The following NTNG1 variants were observed in gnomAD, a reference collection of about 807,000 sequenced individuals.
NTNG1 encodes netrin G1.
A neutral mutation model predicts 54.0 loss-of-function variants in NTNG1; 16 were observed. The ratio of observed to expected loss-of-function variants is 0.30; its 90% confidence interval spans 0.20 to 0.45. NTNG1 has a LOEUF of 0.45. NTNG1 is among the 20% of genes least tolerant of loss of function. NTNG1 has a pLI of 1.00. For missense variants in NTNG1, 530 were observed against 678.7 expected, an observed-to-expected ratio of 0.78 and a Z score of 2.43; for synonymous variants, 255 against 263.1, an observed-to-expected ratio of 0.97 and a Z score of 0.30.
At chr1:107,305,768 G>A (rs1666658814) in intron 2 of NTNG1, among the ~76,000 whole-genome samples, 1 of 151,930 alleles carries the variant, frequency 6.6e-6, no homozygotes, top group Admixed American at 6.6e-5. Context: ...GTCTATTTTG[G>A]CTTTTGTTGC....
At chr1:107,480,569 T>TCCCCCCCCC in intron 7 of NTNG1, 42 bp from the exon 8 acceptor site, 1 of 609,596 alleles carries the variant, frequency 1.6e-6, no homozygotes, top group African/African-American at 1.8e-5. Flanking sequence ...CTGCTTCTCC[T>TCCCCCCCCC]CCCCGCGCCC....
intron 2 of NTNG1, among the ~76,000 whole-genome samples, chr1:107,263,305 CTTCCTTCCTTCCTTCCTTCT>C (rs1366088148): frequency 6.6e-6 from 1 of 150,970 alleles, no homozygotes; most frequent in Non-Finnish European, 1.5e-5. Flanking sequence ...TCCTTCCTTC[CTTCCTTCCTTCCTTCCTTCT>C]TTCCTTCCTT....
At chr1:107,452,417 A>G (rs1335769365) in intron 7 of NTNG1, among the ~76,000 whole-genome samples, 1 of 152,182 alleles carries the variant, frequency 6.6e-6, no homozygotes, top group Non-Finnish European at 1.5e-5. Flanking sequence ...AAACTCTGAA[A>G]TTCAGTGGCA....
chr1:107,236,418 C>T (rs971181743), intron 2 of NTNG1, among the ~76,000 whole-genome samples: 7 of 152,026 alleles, frequency 4.6e-5, no homozygotes, highest in Non-Finnish European at 8.8e-5. Flanking sequence ...AAGGTATGGG[C>T]AGAGAGTCAG....
intron 2 of NTNG1, among the ~76,000 whole-genome samples, chr1:107,185,522 A>G (rs1039824043): frequency 6.6e-6 from 1 of 152,186 alleles, no homozygotes; most frequent in Non-Finnish European, 1.5e-5. Context: ...ATCCTAATCC[A>G]ATATGTCCTC....
intron 2 of NTNG1, among the ~76,000 whole-genome samples, chr1:107,290,962 A>ATT (rs1293070434): frequency 1.7e-5 from 2 of 116,226 alleles, no homozygotes; most frequent in Non-Finnish European, 3.4e-5. Flanking sequence ...ATATATATAT[A>ATT]TTATATATAT....
chr1:107,267,666 G>T (rs1447089878), intron 2 of NTNG1, among the ~76,000 whole-genome samples: 1 of 151,980 alleles, frequency 6.6e-6, no homozygotes, highest in Non-Finnish European at 1.5e-5. Flanking sequence ...CCATACTCTT[G>T]CCCTCAGGTC....
intron 2 of NTNG1, among the ~76,000 whole-genome samples, chr1:107,170,462 C>G (rs920886338): frequency 6.6e-6 from 1 of 151,880 alleles, no homozygotes; most frequent in African/African-American, 2.4e-5. Flanking sequence ...AATTGATTAG[C>G]AGTCTTAAAA....
intron 2 of NTNG1, among the ~76,000 whole-genome samples, chr1:107,204,483 A>G (rs1659023712): frequency 6.6e-6 from 1 of 152,162 alleles, no homozygotes; most frequent in African/African-American, 2.4e-5. Context: ...ACAGAGAGGG[A>G]GTGGGGCCTA....
Position 107,481,245 on chromosome 1 carries a change from C to A in NTNG1, c.*405C>A, listed in dbSNP as rs1678696797. On this transcript the variant is annotated 3_prime_UTR_variant, in exon 8 of 8. Transcript: ENST00000370068. ...GTGTGTGGACCAACCAAATAGCATTCTTTGCTGTCAGGTGCATTGTGGGCA... is the reference window on the plus strand; with the variant it reads ...GTGTGTGGACCAACCAAATAGCATTATTTGCTGTCAGGTGCATTGTGGGCA... 1 of 192,004 alleles carries A rather than the reference C, an allele frequency of 5.2e-6. No individual in the cohort carries two copies. Among genetic ancestry groups the A allele is most frequent in the Admixed American group, 5.9e-5 (1 of 17,044 alleles). 11.9% of individuals were successfully genotyped at this position (192,004 alleles called of 1,614,324 possible). A position where few individuals can be genotyped will look rare whatever the true frequency, so the allele number is the denominator to read the frequency against.
intron 2 of NTNG1, among the ~76,000 whole-genome samples, chr1:107,290,137 C>T (rs1227402183): frequency 6.6e-6 from 1 of 152,168 alleles, no homozygotes; most frequent in Non-Finnish European, 1.5e-5. Flanking sequence ...ATAATGCATA[C>T]ATATTATGTG....
chr1:107,335,706 T>C (rs1668536986), intron 3 of NTNG1, among the ~76,000 whole-genome samples: 1 of 151,822 alleles, frequency 6.6e-6, no homozygotes, highest in African/African-American at 2.4e-5. Flanking sequence ...CAGAAAAAAA[T>C]AGTTTTTAAA....
intron 2 of NTNG1, among the ~76,000 whole-genome samples, chr1:107,258,915 G>GA (rs945667883): frequency 6.6e-6 from 1 of 151,180 alleles, no homozygotes; most frequent in African/African-American, 2.4e-5. Context: ...TTGGAGAAAG[G>GA]AAAAAAAAGT....
In NTNG1 at chr1:107,430,736, T is replaced by C; in HGVS notation, c.1088-14T>C. 6.2e-7 allele frequency: 1 copy of C among 1,612,958 alleles called. No homozygotes were observed. Among genetic ancestry groups the C allele is most frequent in the Non-Finnish European group, 8.5e-7 (1 of 1,179,318 alleles). ...TGTATACACTCTGTATACATTTCTG[T>C]TCTTCCTTGCAAGATTGTGAATGCT... On this transcript the variant is annotated splice_polypyrimidine_tract_variant and intron_variant, in intron 5 of 7. Transcript: ENST00000370068.
At position 107,317,880 on chromosome 1, in the gene NTNG1, C is replaced by A. The variant is rs555988837; in HGVS notation, c.247-6402C>A. 2.6e-5 allele frequency among the ~76,000 whole-genome samples: 4 copies of A among 152,266 alleles called. No individual in the cohort carries two copies. The East Asian group carries it at 7.7e-4, about 29-fold the overall frequency. On this transcript the variant is annotated intron_variant, in intron 2 of 7. Coordinates refer to ENST00000370068, the MANE Select transcript of NTNG1 (RefSeq NM_001113226.3). ...CAAAGGATTCCATTAGAAAACGGAGCAGTTAGTTTTTAACTCCAGAGTTAT... is the reference window on the plus strand; with the variant it reads ...CAAAGGATTCCATTAGAAAACGGAGAAGTTAGTTTTTAACTCCAGAGTTAT...
chr1:107,170,137 G>GACTGTA (rs1656108709), intron 2 of NTNG1, among the ~76,000 whole-genome samples: 1 of 152,082 alleles, frequency 6.6e-6, no homozygotes, highest in Admixed American at 6.6e-5. Context: ...AGTAACTGGT[G>GACTGTA]ACTGTAGCCT....
chr1:107,207,048 T>C (rs1360772156), intron 2 of NTNG1, among the ~76,000 whole-genome samples: 1 of 152,214 alleles, frequency 6.6e-6, no homozygotes, highest in Non-Finnish European at 1.5e-5. Flanking sequence ...TTTTCACTGA[T>C]ACTTTTTTCA....
At chr1:107,453,526 T>C (rs957688415) in intron 7 of NTNG1, among the ~76,000 whole-genome samples, 3 of 152,142 alleles carry the variant, frequency 2.0e-5, no homozygotes, top group Non-Finnish European at 4.4e-5. Flanking sequence ...AAAATATGAA[T>C]AGAGATCATG....
chr1:107,208,140 T>C (rs891829890), intron 2 of NTNG1, among the ~76,000 whole-genome samples: 2 of 151,888 alleles, frequency 1.3e-5, no homozygotes, highest in Non-Finnish European at 2.9e-5. Flanking sequence ...CATGCAGAAA[T>C]GGAGGGAGGG....
Sources: gnomAD v4.1 joint callset for allele counts (sites outside exome capture counted in the v4.1 genomes callset) on GRCh38, gnomAD v4.1.1 for gene constraint, MANE v1.5 for transcripts, NCBI Gene and HGNC (gene_info 2026-07-23, HGNC 2026-07-21) for gene names.